Variants in CSMD1 observed in about 807,000 individuals in gnomAD.
The protein encoded by CSMD1 is CUB and Sushi multiple domains 1.
In CSMD1, 213 loss-of-function variants were observed where a neutral mutation model predicts 417.5. The observed-to-expected ratio is 0.51, with a 90% CI of 0.46 to 0.57. The LOEUF (loss-of-function observed/expected upper bound fraction) is 0.57. CSMD1 is among the 20% of genes least tolerant of loss of function. CSMD1 has a pLI of 0.00. For missense variants in CSMD1, 6,923 were observed against 4,529.7 expected (o/e 1.53, Z -15.17); for synonymous variants, 2,862 against 1,736.8 (o/e 1.65, Z -16.11).
intron 3 of CSMD1, among the ~76,000 whole-genome samples, chr8:4,282,288 C>G (rs1036366715): frequency 6.6e-6 from 1 of 152,122 alleles, no homozygotes; most frequent in Non-Finnish European, 1.5e-5. Context: ...ACAGATAGAA[C>G]TGATGAAGCT....
rs1433801447 is a variant in CSMD1 at position 3,882,719 on chromosome 8, CACA to C, written c.818+115181_818+115183del. 4.6e-5 allele frequency among the ~76,000 whole-genome samples: 7 copies of C among 152,214 alleles called. No homozygotes were observed. The East Asian group carries it at 1.4e-3, about 29-fold the overall frequency. The stretch of plus-strand genomic sequence containing the variant: ...TGAAAAGGAACACATTACAAATGTG[CACA>C]ACAATGTAGGTGAATGTCACAAACA... On this transcript the variant is annotated intron_variant, in intron 5 of 69. Transcript: ENST00000635120.
At chr8:4,407,608 G>A (rs553139905) in intron 3 of CSMD1, among the ~76,000 whole-genome samples, 2 of 152,154 alleles carry the variant, frequency 1.3e-5, no homozygotes, top group Admixed American at 6.5e-5. Flanking sequence ...AGGAATTTCA[G>A]TGTTAAATAT....
intron 7 of CSMD1, among the ~76,000 whole-genome samples, chr8:3,681,153 A>G (rs1294325853): frequency 2.0e-5 from 3 of 152,018 alleles, no homozygotes; most frequent in East Asian, 1.9e-4. Flanking sequence ...CTCTTTCACC[A>G]CTCCTATTCA....
rs754260789 is a variant in CSMD1 at position 3,142,461 on chromosome 8, A to G, written c.6241+4T>C. ...GGGTTTCGGTTCTCGTTGTTGTTCC[A>G]TACCTTGGTAAGCAAGTTTAAATCC... On this transcript the variant is annotated splice_donor_region_variant and intron_variant, in intron 41 of 69. Transcript: ENST00000635120. The G allele has an allele frequency of 6.2e-7, 1 of 1,611,572 alleles. No individual in the cohort carries two copies. Among genetic ancestry groups the G allele is most frequent in the Non-Finnish European group, 8.5e-7 (1 of 1,178,438 alleles).
intron 49 of CSMD1, among the ~76,000 whole-genome samples, chr8:3,081,484 A>T (rs1003480899): frequency 1.3e-5 from 2 of 152,166 alleles, no homozygotes; most frequent in Non-Finnish European, 2.9e-5. Flanking sequence ...TACAGTTTTC[A>T]AATAAAAATT....
At chr8:3,717,500 A>T (rs1292900031) in intron 6 of CSMD1, among the ~76,000 whole-genome samples, 4 of 152,216 alleles carry the variant, frequency 2.6e-5, no homozygotes, top group African/African-American at 9.6e-5. Context: ...TAGTTCAGCT[A>T]AAAACAGGGT....
intron 1 of CSMD1, among the ~76,000 whole-genome samples, chr8:4,808,031 T>C (rs115976853): frequency 0.014 from 2,076 of 152,324 alleles, 34 homozygotes; most frequent in African/African-American, 0.047. Context: ...CGCCCATAGA[T>C]AGCACATCTG....
At chr8:3,802,780 C>G (rs1046540550) in intron 5 of CSMD1, among the ~76,000 whole-genome samples, 7 of 152,124 alleles carry the variant, frequency 4.6e-5, no homozygotes, top group African/African-American at 1.4e-4. Context: ...TAAAGCTTAG[C>G]TCCCTTTGCT....
chr8:4,276,013 A>C (rs1796465837), intron 3 of CSMD1, among the ~76,000 whole-genome samples: 1 of 152,222 alleles, frequency 6.6e-6, no homozygotes, highest in African/African-American at 2.4e-5. Context: ...ATGCTTTTAC[A>C]ATGTTGGTGG....
intron 1 of CSMD1, among the ~76,000 whole-genome samples, chr8:4,869,361 G>C (rs188579604): frequency 6.6e-6 from 1 of 151,884 alleles, no homozygotes; most frequent in Non-Finnish European, 1.5e-5. Flanking sequence ...TTATGTTAAT[G>C]CTCTCTGTAT....
chr8:4,703,575 A>G (rs1015126125), intron 1 of CSMD1, among the ~76,000 whole-genome samples: 5 of 152,202 alleles, frequency 3.3e-5, no homozygotes, highest in Admixed American at 1.3e-4. Flanking sequence ...AATTATGAAA[A>G]GTAATGAAAA....
At chr8:3,757,508 G>A (rs989759342) in intron 5 of CSMD1, among the ~76,000 whole-genome samples, 1 of 152,132 alleles carries the variant, frequency 6.6e-6, no homozygotes, top group Admixed American at 6.5e-5. Context: ...CTTAGCTGAT[G>A]GGCCAGATTT....
In CSMD1 at chr8:4,780,301, G is replaced by A. The variant is rs117244594; in HGVS notation, c.86-142743C>T. ...CCCAGGCTTTGTCTCTGTATACTGC[G>A]CTATATAATGGGGCTTTGGCTCTAC... On this transcript the variant is annotated intron_variant, in intron 1 of 69. Coordinates refer to ENST00000635120, the MANE Select transcript of CSMD1 (RefSeq NM_033225.6). Among the ~76,000 whole-genome samples the A allele has an allele frequency of 2.5e-3, 380 of 152,234 alleles. 2 individuals carry two copies. Among genetic ancestry groups the A allele is most frequent in the Middle Eastern group, 6.8e-3 (2 of 292 alleles).
At position 3,935,137 on chromosome 8, in the gene CSMD1, G is replaced by A. The variant is rs986110619; in HGVS notation, c.818+62766C>T. On this transcript the variant is annotated intron_variant, in intron 5 of 69. Coordinates refer to ENST00000635120, the MANE Select transcript of CSMD1 (RefSeq NM_033225.6). The stretch of plus-strand genomic sequence containing the variant: ...CACACATTTTCTCTGTATGTCAGAA[G>A]TAAGATTTTTAAGAAGCAAGAATAT... 5.3e-5 allele frequency among the ~76,000 whole-genome samples: 8 copies of A among 152,042 alleles called. No individual in the cohort carries two copies. The East Asian group carries it at 5.8e-4, about 11-fold the overall frequency.
intron 18 of CSMD1, among the ~76,000 whole-genome samples, chr8:3,382,015 T>C (rs1015990851): frequency 6.6e-6 from 1 of 152,130 alleles, no homozygotes; most frequent in Non-Finnish European, 1.5e-5. Flanking sequence ...CCCAGCACTT[T>C]GGGAGGCCGA....
intron 36 of CSMD1, chr8:3,182,870 G>GTGTGTGTGTGTGTC (rs1821472816): frequency 2.2e-5 from 3 of 135,474 alleles, no homozygotes; most frequent in Non-Finnish European, 4.7e-5. Flanking sequence ...GTGTGTGTGT[G>GTGTGTGTGTGTGTC]TGTGTGTGTG....
intron 55 of CSMD1, among the ~76,000 whole-genome samples, chr8:2,976,143 A>C (rs1804901688): frequency 6.6e-6 from 1 of 152,054 alleles, no homozygotes; most frequent in Admixed American, 6.6e-5. Flanking sequence ...TCTCCACAGG[A>C]ATTAATTGAA....
chr8:3,972,026 C>G (rs1158832956), intron 5 of CSMD1, among the ~76,000 whole-genome samples: 1 of 151,974 alleles, frequency 6.6e-6, no homozygotes, highest in Non-Finnish European at 1.5e-5. Flanking sequence ...CCTGCATCAA[C>G]CTCCTAAGTA....
chr8:3,785,454 T>C (rs768338013), intron 5 of CSMD1, among the ~76,000 whole-genome samples: 5 of 152,180 alleles, frequency 3.3e-5, no homozygotes, highest in Non-Finnish European at 5.9e-5. Flanking sequence ...AGATCAGCAA[T>C]GGGCCATGCC....
Sources: gnomAD v4.1 joint callset for allele counts (sites outside exome capture counted in the v4.1 genomes callset) on GRCh38, gnomAD v4.1.1 for gene constraint, MANE v1.5 for transcripts, NCBI Gene and HGNC (gene_info 2026-07-23, HGNC 2026-07-21) for gene names.